CAMK2B: variants seen among roughly 807,000 people sequenced by gnomAD.
The protein encoded by CAMK2B is calcium/calmodulin-dependent protein kinase type II subunit beta.
In CAMK2B, 27 loss-of-function variants were observed where a neutral mutation model predicts 93.7. The ratio of observed to expected loss-of-function variants is 0.29; its 90% confidence interval spans 0.21 to 0.40. The LOEUF (loss-of-function observed/expected upper bound fraction) is 0.40. Among genes scored for constraint, CAMK2B ranks in the 10% least tolerant of loss-of-function variants. CAMK2B has a pLI of 1.00. For missense variants in CAMK2B, 568 were observed against 895.8 expected (o/e 0.63, Z 4.67); for synonymous variants, 374 against 358.8 (o/e 1.04, Z -0.48).
Position 44,234,627 on chromosome 7 carries a change from C to A in CAMK2B, c.1059+12G>T. On this transcript the variant is annotated intron_variant, in intron 14 of 23. Transcript: ENST00000395749. The stretch of plus-strand genomic sequence containing the variant: ...GGCTCCCCGGCACCACAGGGCCCGG[C>A]TGGAGCCTCACCTTGACTCCATCTG... 2.5e-6 allele frequency: 4 copies of A among 1,613,916 alleles called. No individual in the cohort carries two copies. Among genetic ancestry groups the A allele is most frequent in the Non-Finnish European group, 3.4e-6 (4 of 1,179,812 alleles).
intron 1 of CAMK2B, among the ~76,000 whole-genome samples, chr7:44,287,836 C>T (rs757967994): frequency 6.6e-6 from 1 of 152,242 alleles, no homozygotes; most frequent in African/African-American, 2.4e-5. Context: ...TTAGATATTG[C>T]ACCTCCCACG....
chr7:44,239,321 C>T (rs539461940), intron 13 of CAMK2B, among the ~76,000 whole-genome samples: 5 of 152,332 alleles, frequency 3.3e-5, no homozygotes, highest in African/African-American at 9.6e-5. Flanking sequence ...CCCCAGACCT[C>T]GGGGGCCAGG....
chr7:44,289,799 C>T (rs1786233722), intron 1 of CAMK2B, among the ~76,000 whole-genome samples: 1 of 152,244 alleles, frequency 6.6e-6, no homozygotes, highest in Non-Finnish European at 1.5e-5. Context: ...GCTGAGCTCC[C>T]GCAGGGCAGC....
At chr7:44,265,601 G>A (rs1292891578) in intron 2 of CAMK2B, among the ~76,000 whole-genome samples, 2 of 152,196 alleles carry the variant, frequency 1.3e-5, no homozygotes, top group South Asian at 2.1e-4. Context: ...ATTCTCCTGG[G>A]ACACAGATAA....
At chr7:44,227,925 G>C (rs1417092198) in intron 19 of CAMK2B, among the ~76,000 whole-genome samples, 1 of 139,080 alleles carries the variant, frequency 7.2e-6, no homozygotes, top group African/African-American at 2.7e-5. Context: ...GACGTGGAGA[G>C]GTTGTAGGCT....
intron 6 of CAMK2B, among the ~76,000 whole-genome samples, chr7:44,246,464 C>T (rs546907808): frequency 3.5e-4 from 53 of 151,948 alleles, no homozygotes; most frequent in African/African-American, 1.2e-3. Context: ...CATGCATACA[C>T]GCACACATGT....
chr7:44,248,884 GT>G lies in CAMK2B; in HGVS notation c.342-1693del, dbSNP rs2096754695. On this transcript the variant is annotated intron_variant, in intron 5 of 23. Coordinates refer to ENST00000395749, the MANE Select transcript of CAMK2B (RefSeq NM_001220.5). The surrounding 1 kb of genome is among the most constrained non-coding windows in gnomAD (Gnocchi z 4.1). ...CAAACTCATGGGAGACAGCCCCTTG[GT>G]GGTGTCACTTCAATGTCACCAAGAG... 6.6e-6 allele frequency among the ~76,000 whole-genome samples: 1 copy of G among 152,090 alleles called. No individual in the cohort carries two copies. Among genetic ancestry groups the G allele is most frequent in the Non-Finnish European group, 1.5e-5 (1 of 68,006 alleles).
At chr7:44,318,015 G>T (rs1795231975) in intron 1 of CAMK2B, among the ~76,000 whole-genome samples, 1 of 152,042 alleles carries the variant, frequency 6.6e-6, no homozygotes, top group African/African-American at 2.4e-5. Context: ...ACTCCTCAGG[G>T]GCTTCCCATG....
intron 2 of CAMK2B, chr7:44,267,073 C>A (rs995272039): frequency 1.1e-4 from 16 of 152,218 alleles, no homozygotes; most frequent in African/African-American, 3.9e-4. Context: ...CTAAGAACAA[C>A]CTCTGAAATA....
intron 2 of CAMK2B, among the ~76,000 whole-genome samples, chr7:44,274,822 G>A (rs1454829517): frequency 6.6e-6 from 1 of 152,154 alleles, no homozygotes; most frequent in Admixed American, 6.5e-5. Context: ...CCCACAGGCT[G>A]TGGGTTCAGC....
chr7:44,314,700 A>G (rs1264171209), intron 1 of CAMK2B, among the ~76,000 whole-genome samples: 2 of 152,212 alleles, frequency 1.3e-5, no homozygotes, highest in Non-Finnish European at 2.9e-5. Flanking sequence ...GCCATTTTAC[A>G]TCCTCACCAG....
At chr7:44,320,081 G>T (rs1292839594) in intron 1 of CAMK2B, among the ~76,000 whole-genome samples, 1 of 152,142 alleles carries the variant, frequency 6.6e-6, no homozygotes, top group Non-Finnish European at 1.5e-5. Context: ...TGGTGTGTGT[G>T]TGTATGTGTC....
intron 23 of CAMK2B, 165 bp from the exon 24 acceptor site, chr7:44,219,687 A>T (rs1480962336): frequency 6.8e-6 from 2 of 292,416 alleles, no homozygotes; most frequent in East Asian, 7.3e-5. Context: ...ATCCCTGTAA[A>T]ACTGGGCTCT....
rs1212614090 is a variant in CAMK2B at position 44,225,758 on chromosome 7, C to T, written c.1597+758G>A. 1 of 1,289,506 alleles carries T rather than the reference C, an allele frequency of 7.8e-7. No homozygotes were observed. Among genetic ancestry groups the T allele is most frequent in the Admixed American group, 2.3e-5 (1 of 43,570 alleles). 79.9% of individuals were successfully genotyped at this position (1,289,506 alleles called of 1,614,324 possible). A position where few individuals can be genotyped will look rare whatever the true frequency, so the allele number is the denominator to read the frequency against. On this transcript the variant is annotated intron_variant, in intron 20 of 23. Transcript: ENST00000395749. The surrounding 1 kb of genome is among the most constrained non-coding windows in gnomAD (Gnocchi z 5.0). ...GCAGACCCCACCTGTCCCTCAAGTA[C>T]TTACCTAGCCACTGCCCTGCCATGC...
intron 2 of CAMK2B, chr7:44,263,867 C>T (rs1263267881): frequency 6.5e-6 from 1 of 154,598 alleles, no homozygotes; most frequent in Non-Finnish European, 1.5e-5. Context: ...TCAAAGCCCT[C>T]TGCCAACCCC....
rs1793681400 is a variant in CAMK2B at position 44,311,959 on chromosome 7, A to T, written c.65+13398T>A. ...CGGGGCCCAAATGAGGCACAGGCCC[A>T]TCCTCACCACGGAGTCACGCCTGCT... is the stretch of plus-strand genomic sequence containing the variant. On this transcript the variant is annotated intron_variant, in intron 1 of 23. Transcript: ENST00000395749. The surrounding 1 kb of genome is among the most constrained non-coding windows in gnomAD (Gnocchi z 4.2). Among the ~76,000 whole-genome samples the T allele has an allele frequency of 6.6e-6, 1 of 152,212 alleles. No individual in the cohort carries two copies. The highest frequency in any genetic ancestry group is 2.1e-4 in the South Asian group (1 of 4,828).
intron 4 of CAMK2B, among the ~76,000 whole-genome samples, chr7:44,255,477 C>A (rs1168922303): frequency 6.6e-6 from 1 of 152,172 alleles, no homozygotes; most frequent in Non-Finnish European, 1.5e-5. Flanking sequence ...TAGAAGCTGT[C>A]ACCCCTGAGA....
intron 1 of CAMK2B, among the ~76,000 whole-genome samples, chr7:44,310,817 G>C (rs1036318015): frequency 6.6e-6 from 1 of 152,136 alleles, no homozygotes; most frequent in Non-Finnish European, 1.5e-5. Context: ...GTATTTAATG[G>C]GGACAGTTTC....
At chr7:44,289,907 C>T (rs1297243102) in intron 1 of CAMK2B, among the ~76,000 whole-genome samples, 1 of 152,226 alleles carries the variant, frequency 6.6e-6, no homozygotes, top group Non-Finnish European at 1.5e-5. Context: ...AGCTTCTCTC[C>T]CTGTTCCTCT....
Sources: gnomAD v4.1 joint callset for allele counts (sites outside exome capture counted in the v4.1 genomes callset) on GRCh38, gnomAD v4.1.1 for gene constraint, Gnocchi (gnomAD v3.1) non-coding constraint, MANE v1.5 for transcripts, NCBI Gene and HGNC (gene_info 2026-07-23, HGNC 2026-07-21) for gene names.